Variants in TMEM117 observed in about 807,000 individuals in gnomAD.
TMEM117 encodes transmembrane protein 117.
In TMEM117, 27 loss-of-function variants were observed where a neutral mutation model predicts 52.4. The observed-to-expected ratio is 0.51, with a 90% CI of 0.38 to 0.71. The LOEUF (loss-of-function observed/expected upper bound fraction) is 0.71, where lower values mean the gene tolerates loss of function less well. Ranked by LOEUF, TMEM117 falls within the 30% of genes least tolerant of loss-of-function variation. The pLI, the probability that TMEM117 is intolerant of heterozygous loss-of-function variation, is 0.00. For synonymous variants in TMEM117, 215 were observed against 206.3 expected (o/e 1.04, Z -0.36); for missense variants, 556 against 630.5 (o/e 0.88, Z 1.26).
At chr12:44,344,543 A>G (rs1311135646) in intron 6 of TMEM117, among the ~76,000 whole-genome samples, 1 of 152,128 alleles carries the variant, frequency 6.6e-6, no homozygotes, top group Non-Finnish European at 1.5e-5. Context: ...GAGGTGATGC[A>G]CAAGCCTAAT....
chr12:44,327,067 A>AT (rs2138714414), intron 6 of TMEM117, among the ~76,000 whole-genome samples: 1 of 152,222 alleles, frequency 6.6e-6, no homozygotes, highest in East Asian at 1.9e-4. Context: ...ATTTACCTAT[A>AT]TTTTTATGTA....
intron 2 of TMEM117, among the ~76,000 whole-genome samples, chr12:43,896,541 A>C (rs1363075914): frequency 6.6e-6 from 1 of 152,154 alleles, no homozygotes; most frequent in Non-Finnish European, 1.5e-5. Flanking sequence ...AGTCTATAGC[A>C]CCTTGTACAG....
At chr12:44,396,037 G>C in the TMEM117 span, among the ~76,000 whole-genome samples, 1 of 152,108 alleles carries the variant, frequency 6.6e-6, no homozygotes, top group Non-Finnish European at 1.5e-5. Flanking sequence ...AAGTTCCATA[G>C]GTGATTCTCT....
intron 3 of TMEM117, among the ~76,000 whole-genome samples, chr12:43,987,091 A>G (rs1162181825): frequency 6.6e-6 from 1 of 152,182 alleles, no homozygotes; most frequent in Non-Finnish European, 1.5e-5. Context: ...TTAAGGTAAA[A>G]TGAGGTCATA....
chr12:44,110,357 C>G (rs1194646159), intron 3 of TMEM117, among the ~76,000 whole-genome samples: 2 of 111,170 alleles, frequency 1.8e-5, no homozygotes, highest in Non-Finnish European at 3.6e-5. Flanking sequence ...ATAGATAGCT[C>G]TTATTATTTT....
intron 3 of TMEM117, among the ~76,000 whole-genome samples, chr12:44,129,677 A>T (rs1004307648): frequency 1.3e-5 from 2 of 152,154 alleles, no homozygotes; most frequent in Non-Finnish European, 2.9e-5. Flanking sequence ...GTCATGCATT[A>T]TGTATGTAAA....
At chr12:43,892,735 A>G (rs967584131) in intron 2 of TMEM117, among the ~76,000 whole-genome samples, 1 of 152,240 alleles carries the variant, frequency 6.6e-6, no homozygotes, top group Non-Finnish European at 1.5e-5. Flanking sequence ...ACAGTGATAA[A>G]CAAAATAGAT....
rs11182386 is a variant in TMEM117, at chr12:44,025,268, C to A, written c.410+80926C>A. ...AAGTTGAACAGATACGGTTCAGGGG[C>A]ACCTAATCACCATACGCAGCGGGTG... On this transcript the variant is annotated intron_variant, in intron 3 of 7. Transcript: ENST00000266534. 9.7e-4 allele frequency among the ~76,000 whole-genome samples: 148 copies of A among 152,232 alleles called. 2 individuals are homozygous for A. In the East Asian group the frequency reaches 0.024, roughly 25 times the overall value.
chr12:44,303,508 A>G (rs950100495), intron 6 of TMEM117, among the ~76,000 whole-genome samples: 4 of 152,166 alleles, frequency 2.6e-5, no homozygotes, highest in Admixed American at 6.5e-5. Context: ...GGATTTTTCT[A>G]CCTTTATTGT....
At chr12:44,049,416 G>A (rs1463012024) in intron 3 of TMEM117, among the ~76,000 whole-genome samples, 2 of 152,136 alleles carry the variant, frequency 1.3e-5, no homozygotes, top group Non-Finnish European at 2.9e-5. Flanking sequence ...GGGCCTGTTG[G>A]GTGGTGGGGG....
chr12:43,889,827 T>C (rs1179934213), intron 2 of TMEM117, among the ~76,000 whole-genome samples: 1 of 152,108 alleles, frequency 6.6e-6, no homozygotes, highest in Non-Finnish European at 1.5e-5. Flanking sequence ...TGGGTAGCAG[T>C]CTCTGAGAAG....
chr12:43,828,525 G>A, the TMEM117 span, among the ~76,000 whole-genome samples: 2 of 152,246 alleles, frequency 1.3e-5, no homozygotes, highest in Admixed American at 6.5e-5. Context: ...GGTCCATGGG[G>A]AGAGGATGGC....
chr12:44,301,766 G>A (rs565906353), intron 6 of TMEM117, among the ~76,000 whole-genome samples: 1 of 152,082 alleles, frequency 6.6e-6, no homozygotes, highest in African/African-American at 2.4e-5. Flanking sequence ...TCGTTCAAAT[G>A]GAAGAAAATG....
chr12:43,892,524 A>G (rs1944126004), intron 2 of TMEM117, among the ~76,000 whole-genome samples: 1 of 152,204 alleles, frequency 6.6e-6, no homozygotes, highest in African/African-American at 2.4e-5. Context: ...CCCAAATCCA[A>G]GTTCCCAGAT....
At chr12:44,235,662 C>A (rs1441617823) in intron 5 of TMEM117, among the ~76,000 whole-genome samples, 1 of 151,592 alleles carries the variant, frequency 6.6e-6, no homozygotes, top group Non-Finnish European at 1.5e-5. Context: ...TAATTCTTTT[C>A]TTCATCCATT....
At chr12:43,849,893 G>A (rs1347494106) in intron 2 of TMEM117, among the ~76,000 whole-genome samples, 2 of 152,118 alleles carry the variant, frequency 1.3e-5, no homozygotes, top group Admixed American at 6.5e-5. Flanking sequence ...GCTCATGGCA[G>A]TTGATTCTTC....
At chr12:43,806,363 G>T in the TMEM117 span, 1 of 1,241,962 alleles carries the variant, frequency 8.1e-7, no homozygotes, top group Non-Finnish European at 1.0e-6. Context: ...CGCGACCCGC[G>T]GCCGCCCCGC....
chr12:43,891,297 T>C (rs1944098543), intron 2 of TMEM117, among the ~76,000 whole-genome samples: 1 of 151,912 alleles, frequency 6.6e-6, no homozygotes, highest in Non-Finnish European at 1.5e-5. Context: ...GCTTACAGTC[T>C]TAACTTTTCC....
At chr12:44,341,492 G>A (rs1435801772) in intron 6 of TMEM117, among the ~76,000 whole-genome samples, 1 of 152,070 alleles carries the variant, frequency 6.6e-6, no homozygotes, top group Non-Finnish European at 1.5e-5. Context: ...TATATATGCT[G>A]CATTCTCTTT....
Sources: allele counts gnomAD v4.1 joint callset (sites outside exome capture counted in the v4.1 genomes callset), GRCh38; gene constraint gnomAD v4.1.1; transcripts MANE v1.5; gene names NCBI Gene and HGNC (gene_info 2026-07-23, HGNC 2026-07-21).